The following ITSN2 variants were observed in gnomAD, a reference collection of about 807,000 sequenced individuals.
The protein encoded by ITSN2 is intersectin 2.
Under a neutral mutation model 243.7 loss-of-function variants are expected in ITSN2, and 156 were observed. The observed-to-expected ratio is 0.64, with a 90% confidence interval of 0.56 to 0.73. The LOEUF (loss-of-function observed/expected upper bound fraction) is 0.73, where lower values mean the gene tolerates loss of function less well. Among genes scored for constraint, ITSN2 ranks in the 30% least tolerant of loss-of-function variants. The pLI is 0.00. For missense variants in ITSN2, 1,801 were observed against 1,996.1 expected (o/e 0.90, Z 1.86); for synonymous variants, 703 against 699.9 (o/e 1.00, Z -0.07).
Position 24,337,315 on chromosome 2 carries a change from A to AATAT in ITSN2, c.-33-9204_-33-9201dup, listed in dbSNP as rs201712131. Among the ~76,000 whole-genome samples the AATAT allele has an allele frequency of 2.0e-3, 63 of 32,012 alleles. 1 individual carries two copies. Among genetic ancestry groups the AATAT allele is most frequent in the South Asian group, 0.012 (9 of 730 alleles). The allele number at this position is 32,012 out of a possible 152,430, so 21.0% of individuals were successfully genotyped here. On this transcript the variant is annotated intron_variant, in intron 1 of 39. Coordinates refer to ENST00000355123, the MANE Select transcript of ITSN2 (RefSeq NM_006277.3). ...TGTGTGTGTGTGTGTGTATACACAA[A>AATAT]ATATATATATATATATATATATATA...
chr2:24,214,556 T>C (rs1434031471), intron 32 of ITSN2: 1 of 152,208 alleles, frequency 6.6e-6, no homozygotes, highest in African/African-American at 2.4e-5. Flanking sequence ...GTTCATGTTT[T>C]CACATTTGTT....
chr2:24,286,084 G>T, intron 16 of ITSN2, 128 bp downstream of exon 16: 1 of 607,284 alleles, frequency 1.6e-6, no homozygotes, highest in Non-Finnish European at 2.8e-6. Flanking sequence ...TTCTTGTATA[G>T]TTGAAATTAT....
At chr2:24,279,653 C>A (rs1001159854) in intron 17 of ITSN2, among the ~76,000 whole-genome samples, 1 of 150,910 alleles carries the variant, frequency 6.6e-6, no homozygotes, top group African/African-American at 2.4e-5. Flanking sequence ...ATGGATAAGA[C>A]TAGAGTTCAC....
chr2:24,257,373 A>C (rs1468402571), intron 23 of ITSN2, among the ~76,000 whole-genome samples: 2 of 152,158 alleles, frequency 1.3e-5, no homozygotes, highest in Admixed American at 1.3e-4. Context: ...AATTTTATGA[A>C]ATCTGAAATA....
chr2:24,247,327 T>C (rs7607958), intron 27 of ITSN2, among the ~76,000 whole-genome samples: 149,150 of 152,302 alleles, frequency 0.98, 73,032 homozygotes, highest in East Asian at 0.99. Context: ...TTCATGACTC[T>C]GCCAGGAGAG....
rs534978117 is a variant in ITSN2 at position 24,229,454 on chromosome 2, T to C, written c.3578-8388A>G. ...AAACGCAAAAATTAGCTGAGTGTGG[T>C]GACAGGCGCCTGTAATCCCAACTAC... On this transcript the variant is annotated intron_variant, in intron 29 of 39. Transcript: ENST00000355123. Among the ~76,000 whole-genome samples the C allele has an allele frequency of 6.6e-5, 10 of 152,146 alleles. No homozygotes were observed. In the Middle Eastern group the frequency reaches 0.01, roughly 155 times the overall value.
intron 35 of ITSN2, among the ~76,000 whole-genome samples, 178 bp downstream of exon 35, chr2:24,209,640 G>A (rs1291400180): frequency 6.6e-6 from 1 of 152,184 alleles, no homozygotes; most frequent in Non-Finnish European, 1.5e-5. Context: ...TGTGGCAGGT[G>A]GGGAGTGCCC....
At position 24,308,602 on chromosome 2, in the gene ITSN2, C is replaced by T. The variant is rs374183632; in HGVS notation, c.793+15G>A. 27 of 1,450,778 alleles carry T rather than the reference C, an allele frequency of 1.9e-5. No homozygotes were observed. The African/African-American group carries it at 2.9e-4, about 15-fold the overall frequency. 89.9% of individuals were successfully genotyped at this position (1,450,778 alleles called of 1,614,324 possible). The stretch of plus-strand genomic sequence containing the variant: ...AGACCCTTTTTCATGCTCTTCAGCA[C>T]TGTATGCTGCTTACCTGAGAGATAT... On this transcript the variant is annotated intron_variant, in intron 8 of 39. Transcript: ENST00000355123.
chr2:24,206,779 C>G (rs1668932630), intron 37 of ITSN2, among the ~76,000 whole-genome samples: 1 of 152,124 alleles, frequency 6.6e-6, no homozygotes, highest in South Asian at 2.1e-4. Flanking sequence ...AGGGCGCAAG[C>G]AGAGGCAACA....
chr2:24,211,091 C>T lies in ITSN2; in HGVS notation c.4090-144G>A, dbSNP rs768568571. The T allele has an allele frequency of 1.5e-4, 111 of 716,328 alleles. No individual in the cohort carries two copies. The highest frequency in any genetic ancestry group is 1.1e-3 in the African/African-American group (63 of 56,374). The allele number at this position is 716,328 out of a possible 1,614,324, so 44.4% of individuals were successfully genotyped here. A position where few individuals can be genotyped will look rare whatever the true frequency, so the allele number is the denominator to read the frequency against. Reference sequence around the variant, plus strand: ...CGGCGGTGAACAAGACGACACTTTCCGCCCTTGAGAAACTCGTACTCCCAC... The same window carrying T: ...CGGCGGTGAACAAGACGACACTTTCTGCCCTTGAGAAACTCGTACTCCCAC... On this transcript the variant is annotated intron_variant, in intron 33 of 39. Coordinates refer to ENST00000355123, the MANE Select transcript of ITSN2 (RefSeq NM_006277.3). The surrounding 1 kb of genome is among the most constrained non-coding windows in gnomAD (Gnocchi z 4.1).
At position 24,212,673 on chromosome 2, in the gene ITSN2, G is replaced by A. The variant is rs763044682; in HGVS notation, c.4066C>T (p.Arg1356Cys). 18 of 1,612,860 alleles carry A rather than the reference G, an allele frequency of 1.1e-5. No individual in the cohort carries two copies. The highest frequency in any genetic ancestry group is 5.5e-5 in the South Asian group (5 of 90,812). The change falls in exon 33 of 40, where the codon CGC becomes TGC. Residue 1356 changes from arginine to cysteine, a missense_variant. By Grantham distance (180) the Arg-to-Cys change is radical (BLOSUM62 -3). Coordinates refer to ENST00000355123, the MANE Select transcript of ITSN2 (RefSeq NM_006277.3). ...FLLKPMQRIT[R>C]YPLLIRSILE... Reference sequence around the variant, plus strand: ...ACACTTCTGATGAGCAGTGGGTAGCGGGTGATCCTCTGCATGGGTTTCAGC... The same window carrying A: ...ACACTTCTGATGAGCAGTGGGTAGCAGGTGATCCTCTGCATGGGTTTCAGC...
At chr2:24,281,929 A>G (rs1436092546) in intron 17 of ITSN2, among the ~76,000 whole-genome samples, 1 of 152,192 alleles carries the variant, frequency 6.6e-6, no homozygotes, top group Non-Finnish European at 1.5e-5. Flanking sequence ...ACCCAGGAAG[A>G]TTCTTTCTGA....
In ITSN2 at chr2:24,282,704, G is replaced by A. The variant is rs569755286; in HGVS notation, c.1944+2059C>T. ...GTATGCTCCCCTAGAGGTTTGAGCAGGGGAGCACTGAAGAAGTGAGCCACA... is the reference window on the plus strand; with the variant it reads ...GTATGCTCCCCTAGAGGTTTGAGCAAGGGAGCACTGAAGAAGTGAGCCACA... On this transcript the variant is annotated intron_variant, in intron 17 of 39. Transcript: ENST00000355123. Among the ~76,000 whole-genome samples, 629 of 152,274 alleles carry A rather than the reference G, an allele frequency of 4.1e-3. 4 individuals are homozygous for A. The highest frequency in any genetic ancestry group is 0.041 in the Middle Eastern group (12 of 294).
intron 20 of ITSN2, among the ~76,000 whole-genome samples, chr2:24,270,219 T>C (rs1677175294): frequency 6.6e-6 from 1 of 152,216 alleles, no homozygotes; most frequent in South Asian, 2.1e-4. Flanking sequence ...ACTGGCTCTA[T>C]CAAACACTAC....
At chr2:24,234,849 G>A (rs1460393220) in intron 29 of ITSN2, among the ~76,000 whole-genome samples, 2 of 152,186 alleles carry the variant, frequency 1.3e-5, no homozygotes, top group East Asian at 3.8e-4. Context: ...ACCACCAAAT[G>A]CTGGCAAGGA....
chr2:24,271,847 C>G lies in ITSN2; in HGVS notation c.2176G>C (p.Glu726Gln). ...TTCCGTTCCTCTTCTTGAATTTTTT[C>G]TTGTGTTTTTTCTTCCTGGAGTCGC... is the stretch of plus-strand genomic sequence containing the variant. Reference protein sequence around the residue: ...QKRLQEEKTQEKIQEEERKAE... With the variant: ...QKRLQEEKTQQKIQEEERKAE... Residue 726 changes from glutamate to glutamine, a missense_variant, in exon 19 of 40, where the codon GAA (glutamate) becomes CAA (glutamine). Physicochemically the swap from Glu to Gln is conservative, Grantham distance 29. Transcript: ENST00000355123. 6.2e-7 allele frequency: 1 copy of G among 1,610,224 alleles called. No homozygotes were observed. The highest frequency in any genetic ancestry group is 8.5e-7 in the Non-Finnish European group (1 of 1,179,094).
At chr2:24,284,628 C>A in intron 17 of ITSN2, 135 bp downstream of exon 17, 2 of 541,010 alleles carry the variant, frequency 3.7e-6, no homozygotes, top group Admixed American at 3.0e-5. Flanking sequence ...TTCAAGCAAG[C>A]AGAAAGAAAA....
rs1464425241 is a variant in ITSN2, at chr2:24,204,973, C to G, written c.4762+241G>C. 2.6e-5 allele frequency among the ~76,000 whole-genome samples: 4 copies of G among 152,004 alleles called. No homozygotes were observed. ...ACCAGCCTGGCCAACATGGTGAAAC[C>G]CTGTGTCTACTAAAAATACAAGAAT... On this transcript the variant is annotated intron_variant, in intron 38 of 39. Transcript: ENST00000355123. The surrounding 1 kb of genome is among the most constrained non-coding windows in gnomAD (Gnocchi z 5.1).
At chr2:24,241,138 T>C (rs1672685405) in intron 29 of ITSN2, 1 of 152,178 alleles carries the variant, frequency 6.6e-6, no homozygotes, top group African/African-American at 2.4e-5. Flanking sequence ...TTTGGGGACA[T>C]TTAAACTCTT....
Sources: gnomAD v4.1 joint callset for allele counts (sites outside exome capture counted in the v4.1 genomes callset) on GRCh38, gnomAD v4.1.1 for gene constraint, Gnocchi (gnomAD v3.1) non-coding constraint, MANE v1.5 for transcripts, NCBI Gene and HGNC (gene_info 2026-07-23, HGNC 2026-07-21) for gene names.